Variants in SDK1 observed in about 807,000 individuals in gnomAD.
The protein encoded by SDK1 is sidekick cell adhesion molecule 1.
In SDK1, 157 loss-of-function variants were observed where a neutral mutation model predicts 245.5. The ratio of observed to expected loss-of-function variants is 0.64; its 90% CI spans 0.56 to 0.73. The LOEUF is 0.73. SDK1 is among the 30% of genes least tolerant of loss of function. The pLI is 0.00. For missense variants in SDK1, 3,583 were observed against 3,002.3 expected (o/e 1.19, Z -4.52); for synonymous variants, 1,647 against 1,278.5 (o/e 1.29, Z -6.15).
chr7:3,810,377 C>A (rs1320279190), intron 4 of SDK1, among the ~76,000 whole-genome samples: 1 of 151,608 alleles, frequency 6.6e-6, no homozygotes, highest in African/African-American at 2.4e-5. Context: ...CAGAAAAAGT[C>A]TTGGCTGGAA....
chr7:3,578,591 G>T (rs1282985220), intron 1 of SDK1, among the ~76,000 whole-genome samples: 2 of 151,926 alleles, frequency 1.3e-5, no homozygotes, highest in Non-Finnish European at 2.9e-5. Flanking sequence ...GCATAAGACA[G>T]ACACTCCCAC....
intron 4 of SDK1, among the ~76,000 whole-genome samples, chr7:3,783,959 G>C (rs1280280489): frequency 6.6e-6 from 1 of 151,320 alleles, no homozygotes; most frequent in African/African-American, 2.5e-5. Context: ...CTATACTACA[G>C]AGCTATAGTA....
At chr7:3,536,744 A>G (rs1778901123) in intron 1 of SDK1, among the ~76,000 whole-genome samples, 1 of 152,040 alleles carries the variant, frequency 6.6e-6, no homozygotes, top group Non-Finnish European at 1.5e-5. Flanking sequence ...AAAGTGTCTG[A>G]AAGTAAATAA....
intron 5 of SDK1, among the ~76,000 whole-genome samples, chr7:3,833,818 A>C (rs753885387): frequency 3.9e-5 from 6 of 152,200 alleles, no homozygotes; most frequent in Non-Finnish European, 5.9e-5. Context: ...CCATGACAGC[A>C]TGTTCTTGAT....
chr7:4,075,249 C>G (rs1009392514), intron 20 of SDK1, among the ~76,000 whole-genome samples: 1 of 152,144 alleles, frequency 6.6e-6, no homozygotes, highest in Non-Finnish European at 1.5e-5. Flanking sequence ...TCCGCCCACA[C>G]GGGAGTCCCC....
chr7:3,538,403 T>G lies in SDK1; in HGVS notation c.299-80677T>G, dbSNP rs531646685. On this transcript the variant is annotated intron_variant, in intron 1 of 44. Coordinates refer to ENST00000404826, the MANE Select transcript of SDK1 (RefSeq NM_152744.4). ...AAAAATCAGTTCAGGTATAAATTTCTTTTCATTAATTTTGCCTTTTAATGT... is the reference window on the plus strand; with the variant it reads ...AAAAATCAGTTCAGGTATAAATTTCGTTTCATTAATTTTGCCTTTTAATGT... 1.5e-4 allele frequency among the ~76,000 whole-genome samples: 22 copies of G among 151,348 alleles called. No homozygotes were observed. In the South Asian group the frequency reaches 4.4e-3, roughly 30 times the overall value.
chr7:3,871,002 A>G (rs546908787), intron 5 of SDK1, among the ~76,000 whole-genome samples: 6 of 152,352 alleles, frequency 3.9e-5, no homozygotes, highest in African/African-American at 1.2e-4. Flanking sequence ...CGAAGTTGAC[A>G]TCTTCACAAC....
At position 3,969,314 on chromosome 7, in the gene SDK1, C is replaced by T. The variant is rs746455785; in HGVS notation, c.1604C>T (p.Ser535Leu). The part of the protein sequence containing the change: ...VRIPRFMLLE[S>L]GGLQIAPVFI... The stretch of plus-strand genomic sequence containing the variant: ...ATTCCTAGGTTCATGCTTCTTGAAT[C>T]GGGGGGTCTACAGATCGCGCCCGTC... The change falls in exon 11 of 45, where the codon TCG becomes TTG. Residue 535 changes from serine to leucine, a missense_variant. Physicochemically the swap from Ser to Leu is moderately radical, Grantham distance 145. Transcript: ENST00000404826. 25 of 1,610,696 alleles carry T rather than the reference C, an allele frequency of 1.6e-5. 1 individual carries two copies. Among genetic ancestry groups the T allele is most frequent in the East Asian group, 2.2e-5 (1 of 44,788 alleles).
chr7:4,041,970 C>T (rs987955831), intron 17 of SDK1, among the ~76,000 whole-genome samples: 1 of 135,100 alleles, frequency 7.4e-6, no homozygotes, highest in Non-Finnish European at 1.5e-5. Context: ...CGCGCCACCA[C>T]GCCCAGCTAA....
At chr7:3,806,231 A>C (rs1779239990) in intron 4 of SDK1, among the ~76,000 whole-genome samples, 1 of 152,142 alleles carries the variant, frequency 6.6e-6, no homozygotes, top group Admixed American at 6.5e-5. Flanking sequence ...TAGATCCTTA[A>C]CCTCACCATA....
At chr7:4,207,991 T>C (rs958524100) in intron 36 of SDK1, 108 bp from the exon 37 acceptor site, 5 of 798,732 alleles carry the variant, frequency 6.3e-6, no homozygotes. Context: ...CCAGCACAGC[T>C]CGCCCCAGAA....
chr7:4,186,340 C>A (rs1013396043), intron 35 of SDK1, among the ~76,000 whole-genome samples: 1 of 152,124 alleles, frequency 6.6e-6, no homozygotes, highest in African/African-American at 2.4e-5. Flanking sequence ...TGGAGCAGGG[C>A]CCTCCGACAC....
intron 36 of SDK1, 145 bp downstream of exon 36, chr7:4,206,139 C>G (rs1784211143): frequency 3.3e-6 from 2 of 609,944 alleles, no homozygotes; most frequent in Non-Finnish European, 5.8e-6. Flanking sequence ...TTGGCTAGAC[C>G]TGGCCTGTTA....
intron 5 of SDK1, among the ~76,000 whole-genome samples, chr7:3,945,744 A>G (rs1780549063): frequency 6.6e-6 from 1 of 151,608 alleles, no homozygotes; most frequent in South Asian, 2.1e-4. Flanking sequence ...CTAAAAATAC[A>G]AAAAATAAGC....
chr7:3,541,456 A>G lies in SDK1; in HGVS notation c.299-77624A>G, dbSNP rs1044276228. 2.6e-5 allele frequency among the ~76,000 whole-genome samples: 4 copies of G among 152,122 alleles called. No individual in the cohort carries two copies. The East Asian group carries it at 7.7e-4, about 29-fold the overall frequency. ...TGTTTGCCTCTGCCTGTAATTTTCC[A>G]TCCATTCCCAACCTCTTTTCCTTCT... On this transcript the variant is annotated intron_variant, in intron 1 of 44. Transcript: ENST00000404826.
chr7:3,437,588 A>G (rs1036506377), intron 1 of SDK1, among the ~76,000 whole-genome samples: 2 of 152,074 alleles, frequency 1.3e-5, no homozygotes, highest in African/African-American at 4.8e-5. Flanking sequence ...CCTGGGCAAC[A>G]GCAAGACCCC....
In SDK1 at chr7:3,301,277, G is replaced by GGGTGGCGGC; in HGVS notation, c.-308_-307insTGGCGGCGG. On this transcript the variant is annotated 5_prime_UTR_variant, in exon 1 of 45. Transcript: ENST00000404826. ...GCACTTTCTTCTCAGCGCCGGGCGG[G>GGGTGGCGGC]GGCGGCGGCGGCGGCGGCTCCTCCG... 6.9e-6 allele frequency among the ~76,000 whole-genome samples: 1 copy of GGGTGGCGGC among 145,858 alleles called. No individual in the cohort carries two copies. Among genetic ancestry groups the GGGTGGCGGC allele is most frequent in the African/African-American group, 2.5e-5 (1 of 40,332 alleles).
intron 1 of SDK1, among the ~76,000 whole-genome samples, chr7:3,345,064 T>C (rs1780457497): frequency 1.3e-5 from 2 of 152,224 alleles, no homozygotes; most frequent in South Asian, 4.1e-4. Context: ...GTTAAGCGTT[T>C]ATAGAAGTCT....
intron 4 of SDK1, among the ~76,000 whole-genome samples, chr7:3,806,730 C>T (rs375403110): frequency 6.6e-6 from 1 of 152,304 alleles, no homozygotes; most frequent in South Asian, 2.1e-4. Flanking sequence ...GGAGCAATTA[C>T]GTTTTATGTT....
Sources: gnomAD v4.1 joint callset for allele counts (sites outside exome capture counted in the v4.1 genomes callset) on GRCh38, gnomAD v4.1.1 for gene constraint, MANE v1.5 for transcripts, NCBI Gene and HGNC (gene_info 2026-07-23, HGNC 2026-07-21) for gene names.